Variants in VRTN observed in about 807,000 individuals in gnomAD.
VRTN encodes the protein vertnin.
Under a neutral mutation model 18.2 loss-of-function variants are expected in VRTN, and 5 were observed. The observed-to-expected ratio is 0.27, with a 90% CI of 0.14 to 0.58. The LOEUF is 0.58. VRTN is among the 20% of genes least tolerant of loss of function. VRTN has a pLI of 0.91. For missense variants in VRTN, 741 were observed against 939.4 expected (o/e 0.79, Z 2.76); for synonymous variants, 381 against 393.7 (o/e 0.97, Z 0.38).
intron 1 of VRTN, among the ~76,000 whole-genome samples, chr14:74,335,628 A>G (rs1453907443): frequency 6.6e-6 from 1 of 152,130 alleles, no homozygotes; most frequent in African/African-American, 2.4e-5. Flanking sequence ...TGGGATTTAA[A>G]CCCATGTTTA....
At chr14:74,324,541 G>A (rs2085476579) in intron 1 of VRTN, among the ~76,000 whole-genome samples, 1 of 152,002 alleles carries the variant, frequency 6.6e-6, no homozygotes, top group African/African-American at 2.4e-5. Context: ...GTGAGATATG[G>A]ACAGCCTGAG....
At chr14:74,309,396 C>T (rs138300663) in intron 1 of VRTN, among the ~76,000 whole-genome samples, 2 of 152,306 alleles carry the variant, frequency 1.3e-5, no homozygotes, top group African/African-American at 2.4e-5. Context: ...TGGGTTTATA[C>T]ACTTGAATTT....
chr14:74,319,251 A>G (rs907430818), intron 1 of VRTN, among the ~76,000 whole-genome samples: 8 of 147,454 alleles, frequency 5.4e-5, no homozygotes, highest in African/African-American at 1.8e-4. Flanking sequence ...CCAGGCTGGT[A>G]TTGAGCTCCT....
At chr14:74,332,424 G>A (rs1457072864) in intron 1 of VRTN, among the ~76,000 whole-genome samples, 1 of 130,310 alleles carries the variant, frequency 7.7e-6, no homozygotes, top group Non-Finnish European at 1.5e-5. Flanking sequence ...GCGCGATCTC[G>A]GCTCACTGCA....
At chr14:74,326,160 A>G (rs2085486301) in intron 1 of VRTN, among the ~76,000 whole-genome samples, 2 of 152,086 alleles carry the variant, frequency 1.3e-5, no homozygotes, top group African/African-American at 4.8e-5. Flanking sequence ...TGGGACCTCA[A>G]TTGATATGTC....
chr14:74,354,544 A>G (rs1418632161), intron 1 of VRTN, among the ~76,000 whole-genome samples: 1 of 151,914 alleles, frequency 6.6e-6, no homozygotes, highest in African/African-American at 2.4e-5. Flanking sequence ...AGCTGGGACC[A>G]CAGGCATGTG....
At chr14:74,321,986 G>A (rs1425810684) in intron 1 of VRTN, among the ~76,000 whole-genome samples, 2 of 151,880 alleles carry the variant, frequency 1.3e-5, no homozygotes, top group African/African-American at 2.4e-5. Context: ...GACTACAGGT[G>A]TGTGCCACCA....
At chr14:74,340,452 G>C (rs1441930530) in intron 2 of VRTN, among the ~76,000 whole-genome samples, 1 of 151,128 alleles carries the variant, frequency 6.6e-6, no homozygotes, top group African/African-American at 2.4e-5. Context: ...CACCATATTG[G>C]TCAGGCTGGT....
Position 74,358,261 on chromosome 14 carries a change from C to A in VRTN, c.1478C>A (p.Ala493Asp), listed in dbSNP as rs774020848. 8 of 1,610,704 alleles carry A rather than the reference C, an allele frequency of 5.0e-6. No homozygotes were observed. The highest frequency in any genetic ancestry group is 6.8e-6 in the Non-Finnish European group (8 of 1,178,194). Reference protein sequence around the residue: ...AGNATGEDPPAPGELLPLRMP... With the variant: ...AGNATGEDPPDPGELLPLRMP... The stretch of plus-strand genomic sequence containing the variant: ...AATGCCACAGGTGAGGACCCTCCCG[C>A]CCCCGGGGAGCTCCTGCCACTAAGG... The change falls in exon 2 of 2, where the codon GCC (alanine) becomes GAC (aspartate). Residue 493 changes from alanine to aspartate, a missense_variant. Physicochemically the swap from Ala to Asp is moderately radical, Grantham distance 126. Transcript: ENST00000256362. The surrounding 1 kb of genome is among the most constrained non-coding windows in gnomAD (Gnocchi z 5.4).
At chr14:74,309,318 A>G (rs1192928607) in intron 1 of VRTN, among the ~76,000 whole-genome samples, 2 of 152,118 alleles carry the variant, frequency 1.3e-5, no homozygotes, top group African/African-American at 4.8e-5. Flanking sequence ...CTGTGTCCCC[A>G]TTTTCCAGAA....
At chr14:74,344,244 T>TCCAAAAAAAAAAAAAAA (rs760737512), upstream of VRTN, among the ~76,000 whole-genome samples, 12 of 2,474 alleles carry the variant, frequency 4.9e-3, 1 homozygote, top group African/African-American at 9.4e-3. Context: ...CTCTGCTTTC[T>TCCAAAAAAAAAAAAAAA]ACAAAAAAAA....
At chr14:74,312,159 G>A (rs982510872) in intron 1 of VRTN, among the ~76,000 whole-genome samples, 1 of 152,208 alleles carries the variant, frequency 6.6e-6, no homozygotes. Flanking sequence ...GTCAGGGACT[G>A]TCTCTACAGA....
chr14:74,333,769 G>A (rs976959585), intron 1 of VRTN, among the ~76,000 whole-genome samples: 10 of 151,646 alleles, frequency 6.6e-5, no homozygotes, highest in African/African-American at 2.4e-4. Context: ...GAACCCGGGA[G>A]GTGGAGGTTG....
chr14:74,324,110 C>G (rs981030169), intron 1 of VRTN, among the ~76,000 whole-genome samples: 1 of 151,884 alleles, frequency 6.6e-6, no homozygotes, highest in African/African-American at 2.4e-5. Flanking sequence ...TATAAGAGGC[C>G]GGGCATGGTG....
At chr14:74,338,168 G>A (rs1161271454) in intron 2 of VRTN, among the ~76,000 whole-genome samples, 1 of 151,998 alleles carries the variant, frequency 6.6e-6, no homozygotes, top group Non-Finnish European at 1.5e-5. Flanking sequence ...CCATCATACT[G>A]TTCTCACTCC....
intron 1 of VRTN, among the ~76,000 whole-genome samples, chr14:74,332,751 C>T (rs1269979163): frequency 6.6e-6 from 1 of 152,058 alleles, no homozygotes; most frequent in Non-Finnish European, 1.5e-5. Flanking sequence ...TTGCTTGAAT[C>T]AAATATTCAC....
intron 1 of VRTN, among the ~76,000 whole-genome samples, chr14:74,319,344 G>A (rs151188305): frequency 6.6e-6 from 1 of 152,182 alleles, no homozygotes; most frequent in African/African-American, 2.4e-5. Context: ...GCCCCCTCGG[G>A]ATGTATTTTT....
At chr14:74,352,698 C>T (rs78653271) in intron 1 of VRTN, among the ~76,000 whole-genome samples, 21,458 of 152,046 alleles carry the variant, frequency 0.14, 1,917 homozygotes, top group South Asian at 0.24. Context: ...TAGGCGTGTG[C>T]CACCACGCCT....
chr14:74,320,563 C>CTTTTTTTTT (rs35884901), intron 1 of VRTN, among the ~76,000 whole-genome samples: 5 of 45,030 alleles, frequency 1.1e-4, no homozygotes, highest in Non-Finnish European at 1.8e-4. Flanking sequence ...CGCCCGGCCT[C>CTTTTTTTTT]TTTTTTTTTT....
Sources: gnomAD v4.1 joint callset for allele counts (sites outside exome capture counted in the v4.1 genomes callset) on GRCh38, gnomAD v4.1.1 for gene constraint, Gnocchi (gnomAD v3.1) non-coding constraint, MANE v1.5 for transcripts, NCBI Gene and HGNC (gene_info 2026-07-23, HGNC 2026-07-21) for gene names.